Variants in WDR27 observed in about 807,000 individuals in gnomAD.
WDR27 encodes WD repeat-containing protein 27.
WDR27 carries 100 observed loss-of-function variants against 114.4 expected under a neutral mutation model. The observed-to-expected ratio is 0.87, with a 90% CI of 0.74 to 1.03. The LOEUF (loss-of-function observed/expected upper bound fraction) is 1.03. WDR27 is among the 50% of genes least tolerant of loss of function. WDR27 has a pLI of 0.00. For missense variants in WDR27, 1,129 were observed against 1,092.9 expected, an observed-to-expected ratio of 1.03 and a Z score of -0.47; for synonymous variants, 449 against 423.1, an observed-to-expected ratio of 1.06 and a Z score of -0.75.
chr6:169,640,214 C>A (rs1818825053), intron 17 of WDR27, among the ~76,000 whole-genome samples: 1 of 152,162 alleles, frequency 6.6e-6, no homozygotes, highest in Non-Finnish European at 1.5e-5. Context: ...CCCCACGGAG[C>A]AGAAGACCCC....
intron 21 of WDR27, among the ~76,000 whole-genome samples, chr6:169,621,271 C>T (rs568953538): frequency 9.3e-4 from 133 of 142,668 alleles, no homozygotes; most frequent in African/African-American, 3.8e-3. Flanking sequence ...TTCATGCATA[C>T]ACACACACAC....
rs542506351 is a variant in WDR27 at position 169,637,780 on chromosome 6, CGT to C, written c.1869+757_1869+758del. 1.0e-4 allele frequency among the ~76,000 whole-genome samples: 15 copies of C among 147,224 alleles called. 1 individual carries two copies. The South Asian group carries it at 3.2e-3, about 32-fold the overall frequency. On this transcript the variant is annotated intron_variant, in intron 18 of 25. Transcript: ENST00000448612. ...GTGCGTATGTGTATGCATCTATATG[CGT>C]GTGCCTACTGCGTGTGTCTGAGTAT...
At chr6:169,521,635 T>C (rs558512481) in intron 25 of WDR27, among the ~76,000 whole-genome samples, 2 of 152,066 alleles carry the variant, frequency 1.3e-5, no homozygotes, top group African/African-American at 4.8e-5. Context: ...AATATGTAAA[T>C]TGAGACTACT....
intron 25 of WDR27, among the ~76,000 whole-genome samples, chr6:169,464,662 C>CTCTCCACT (rs1785323124): frequency 6.6e-6 from 1 of 152,224 alleles, no homozygotes; most frequent in African/African-American, 2.4e-5. Flanking sequence ...TAACAGCCTA[C>CTCTCCACT]TCTCCACTTC....
At chr6:169,622,306 G>A (rs1001916976) in intron 21 of WDR27, among the ~76,000 whole-genome samples, 1 of 152,154 alleles carries the variant, frequency 6.6e-6, no homozygotes, top group Non-Finnish European at 1.5e-5. Flanking sequence ...AGGACCTCCT[G>A]AGGCTGTGTC....
At chr6:169,647,996 A>T in intron 15 of WDR27, 126 bp from the exon 16 acceptor site, 1 of 625,614 alleles carries the variant, frequency 1.6e-6, no homozygotes, top group East Asian at 3.1e-5. Context: ...AGTAAACTTG[A>T]ATATTTATCT....
intron 5 of WDR27, 74 bp downstream of exon 5, chr6:169,667,908 G>A (rs916076745): frequency 3.9e-5 from 55 of 1,418,726 alleles, no homozygotes; most frequent in African/African-American, 1.1e-4. Context: ...TGAAGCAACC[G>A]CACAGCTCCC....
At position 169,667,187 on chromosome 6, in the gene WDR27, C is replaced by A; in HGVS notation, c.661G>T (p.Val221Phe). ...ISASEDRGFKVWDHCTGSLIY... is the reference protein window; with the variant it reads ...ISASEDRGFKFWDHCTGSLIY... ...AATGATCCTGTACAATGGTCCCAGACCTTTGGATAAACACAGGATTCTTTA... is the reference window on the plus strand; with the variant it reads ...AATGATCCTGTACAATGGTCCCAGAACTTTGGATAAACACAGGATTCTTTA... The change falls in exon 6 of 26, where the codon GTC becomes TTC. Residue 221 changes from valine (V) to phenylalanine (F), a missense_variant and splice_region_variant. Physicochemically the swap from Val to Phe is conservative, Grantham distance 50. Coordinates refer to ENST00000448612, the MANE Select transcript of WDR27 (RefSeq NM_182552.5). The A allele has an allele frequency of 2.6e-6, 4 of 1,516,662 alleles. No individual in the cohort carries two copies. Among genetic ancestry groups the A allele is most frequent in the Non-Finnish European group, 3.5e-6 (4 of 1,134,742 alleles). The allele number at this position is 1,516,662 out of a possible 1,614,324, so 94.0% of individuals were successfully genotyped here.
intron 22 of WDR27, among the ~76,000 whole-genome samples, chr6:169,606,597 G>A (rs967189675): frequency 6.6e-5 from 10 of 152,116 alleles, no homozygotes; most frequent in African/African-American, 2.4e-4. Context: ...GTTTGCTGAG[G>A]ATAATGGCTT....
chr6:169,453,091 ACTTG>A (rs1271270472), downstream of WDR27, among the ~76,000 whole-genome samples: 3 of 152,244 alleles, frequency 2.0e-5, no homozygotes, highest in Non-Finnish European at 4.4e-5. Flanking sequence ...TACCCAGCAC[ACTTG>A]CTTCAAAAAG....
At chr6:169,432,454 G>A in the WDR27 span, among the ~76,000 whole-genome samples, 1 of 152,150 alleles carries the variant, frequency 6.6e-6, no homozygotes, top group African/African-American at 2.4e-5. Flanking sequence ...TATGTTGTAG[G>A]TGGGACCTAG....
chr6:169,699,038 T>C (rs528512779), intron 1 of WDR27, among the ~76,000 whole-genome samples: 1 of 152,298 alleles, frequency 6.6e-6, no homozygotes, highest in East Asian at 1.9e-4. Flanking sequence ...AGACTCACGT[T>C]AGGCAGTGAC....
intron 25 of WDR27, among the ~76,000 whole-genome samples, chr6:169,556,343 G>A (rs1798882102): frequency 1.3e-5 from 2 of 152,208 alleles, no homozygotes; most frequent in Admixed American, 6.5e-5. Flanking sequence ...CCTGCCAACA[G>A]CTTGGTCTCA....
intron 17 of WDR27, 60 bp from the exon 18 acceptor site, chr6:169,638,720 T>G (rs971201219): frequency 4.4e-5 from 68 of 1,541,000 alleles, no homozygotes; most frequent in Non-Finnish European, 5.1e-5. Context: ...TTTGACTGAG[T>G]GCTACTTATC....
chr6:169,664,236 C>T lies in WDR27; in HGVS notation c.834G>A (p.Arg278=). The change falls in exon 8 of 26, where the codon CGG becomes CGA. Residue 278 remains arginine, a synonymous_variant. Transcript: ENST00000448612. ...TCTCTGTCTTCTTCCTTAGGTCAAC[C>T]CGTGCCACACGACGATAATGGTGTC... is the stretch of plus-strand genomic sequence containing the variant. ...MDGHHYRRVA[R]VDLRKKTETF... The T allele has an allele frequency of 6.2e-7, 1 of 1,613,686 alleles. No homozygotes were observed.
rs1782264192 is a variant in WDR27 at position 169,684,024 on chromosome 6, C to A, written c.189+4793G>T. On this transcript the variant is annotated intron_variant, in intron 2 of 25. Transcript: ENST00000448612. The surrounding 1 kb of genome is among the most constrained non-coding windows in gnomAD (Gnocchi z 4.3). Reference sequence around the variant, plus strand: ...CCAGAAGTCACTGCCATTCTCCAGCCCTGGGGCTCCATCTTTACTATACCA... The same window carrying A: ...CCAGAAGTCACTGCCATTCTCCAGCACTGGGGCTCCATCTTTACTATACCA... Among the ~76,000 whole-genome samples, 3 of 152,164 alleles carry A rather than the reference C, an allele frequency of 2.0e-5. No individual in the cohort carries two copies. Among genetic ancestry groups the A allele is most frequent in the African/African-American group, 7.2e-5 (3 of 41,440 alleles).
intron 25 of WDR27, among the ~76,000 whole-genome samples, chr6:169,468,063 A>G (rs973486459): frequency 6.6e-6 from 1 of 152,238 alleles, no homozygotes; most frequent in Middle Eastern, 3.2e-3. Flanking sequence ...TCTCTAGGGC[A>G]TAGGCAAAAT....
At chr6:169,681,519 C>A (rs187782362) in intron 2 of WDR27, among the ~76,000 whole-genome samples, 1 of 152,242 alleles carries the variant, frequency 6.6e-6, no homozygotes, top group Non-Finnish European at 1.5e-5. Flanking sequence ...ATGGCCCAGT[C>A]CTCCAAGGGG....
chr6:169,519,402 G>A (rs1169518526), intron 25 of WDR27, among the ~76,000 whole-genome samples: 1 of 152,162 alleles, frequency 6.6e-6, no homozygotes, highest in Non-Finnish European at 1.5e-5. Flanking sequence ...GGATATACAG[G>A]AAGCATGGCA....
Sources: gnomAD v4.1 joint callset for allele counts (sites outside exome capture counted in the v4.1 genomes callset) on GRCh38, gnomAD v4.1.1 for gene constraint, Gnocchi (gnomAD v3.1) non-coding constraint, MANE v1.5 for transcripts, NCBI Gene and HGNC (gene_info 2026-07-23, HGNC 2026-07-21) for gene names.